RNF126: variants seen among roughly 807,000 people sequenced by gnomAD.
RNF126 encodes E3 ubiquitin-protein ligase RNF126.
In RNF126, 20 loss-of-function variants were observed where a neutral mutation model predicts 41.9. That is an observed-to-expected ratio of 0.48 (90% CI 0.34 to 0.69). The LOEUF is 0.69. Ranked by LOEUF, RNF126 falls within the 30% of genes least tolerant of loss-of-function variation. The pLI is 0.01. For synonymous variants in RNF126, 239 were observed against 202.9 expected, an observed-to-expected ratio of 1.18 and a Z score of -1.51; for missense variants, 433 against 460.6, an observed-to-expected ratio of 0.94 and a Z score of 0.55.
rs1252607188 is a variant in RNF126, at chr19:663,171, G to A, written c.-50C>T. 17 of 948,442 alleles carry A rather than the reference G, an allele frequency of 1.8e-5. No homozygotes were observed. The East Asian group carries it at 6.9e-4, about 38-fold the overall frequency. 58.8% of individuals were successfully genotyped at this position (948,442 alleles called of 1,614,324 possible). On this transcript the variant is annotated 5_prime_UTR_variant, in exon 1 of 9. Coordinates refer to ENST00000292363, the MANE Select transcript of RNF126 (RefSeq NM_194460.3). The stretch of plus-strand genomic sequence containing the variant: ...GCCCGCCCCCCGCGCGGCACCCGCC[G>A]CCGGCCGTTTGCTGCTCCCTCGCCG...
chr19:648,364 G>GGGGGGGGGGGGGGGGGGGGCCCCCC lies in RNF126; in HGVS notation c.786+7_786+8insGGGGGGCCCCCCCCCCCCCCCCCCC. ...CGGGGTGGGGGGGCGGGTGGGCGGG[G>GGGGGGGGGGGGGGGGGGGGCCCCCC]CACTCACCTGCTCCAGCCAGGGCAC... On this transcript the variant is annotated splice_region_variant and intron_variant, in intron 8 of 8. Transcript: ENST00000292363. The GGGGGGGGGGGGGGGGGGGGCCCCCC allele has an allele frequency of 3.9e-6, 2 of 510,482 alleles. No homozygotes were observed. Among genetic ancestry groups the GGGGGGGGGGGGGGGGGGGGCCCCCC allele is most frequent in the Non-Finnish European group, 7.2e-6 (2 of 278,352 alleles). The allele number at this position is 510,482 out of a possible 1,614,324, so 31.6% of individuals were successfully genotyped here.
At chr19:652,083 G>A (rs774647825) in intron 3 of RNF126, 150 bp downstream of exon 3, 7 of 739,294 alleles carry the variant, frequency 9.5e-6, no homozygotes, top group East Asian at 6.2e-5. Context: ...AGCGTGGGCC[G>A]CCCCAATCCC....
chr19:648,364 G>GGGGGGGGGGCC lies in RNF126; in HGVS notation c.786+7_786+8insGGCCCCCCCCC. 2.0e-6 allele frequency: 1 copy of GGGGGGGGGGCC among 510,484 alleles called. No individual in the cohort carries two copies. Among genetic ancestry groups the GGGGGGGGGGCC allele is most frequent in the Non-Finnish European group, 3.6e-6 (1 of 278,352 alleles). The allele number at this position is 510,484 out of a possible 1,614,324, so 31.6% of individuals were successfully genotyped here. A position where few individuals can be genotyped will look rare whatever the true frequency, so the allele number is the denominator to read the frequency against. On this transcript the variant is annotated splice_region_variant and intron_variant, in intron 8 of 8. Coordinates refer to ENST00000292363, the MANE Select transcript of RNF126 (RefSeq NM_194460.3). ...CGGGGTGGGGGGGCGGGTGGGCGGG[G>GGGGGGGGGGCC]CACTCACCTGCTCCAGCCAGGGCAC...
chr19:653,316 G>A (rs2030412480), intron 1 of RNF126, among the ~76,000 whole-genome samples: 1 of 152,216 alleles, frequency 6.6e-6, no homozygotes. Flanking sequence ...CCTGGCTCGG[G>A]GGAGGCCACG....
Position 651,628 on chromosome 19 carries a change from G to C in RNF126, c.426C>G (p.Gly142=). The part of the protein sequence containing the change: ...TTRRATGRHE[G]VPTLEGIIQQ... ...CCCCTCACCCTTCCAGCGTGGGGACGCCTTCGTGCCGGCCGGTGGCCCGCC... is the reference window on the plus strand; with the variant it reads ...CCCCTCACCCTTCCAGCGTGGGGACCCCTTCGTGCCGGCCGGTGGCCCGCC... The change falls in exon 4 of 9, where the codon GGC becomes GGG. Residue 142 remains glycine, a synonymous_variant. Transcript: ENST00000292363. The C allele has an allele frequency of 6.9e-7, 1 of 1,448,942 alleles. No individual in the cohort carries two copies. The highest frequency in any genetic ancestry group is 9.1e-7 in the Non-Finnish European group (1 of 1,104,040). The allele number at this position is 1,448,942 out of a possible 1,614,324, so 89.8% of individuals were successfully genotyped here.
rs1018095748 is a variant in RNF126 at position 660,415 on chromosome 19, C to T, written c.75+2632G>A. On this transcript the variant is annotated intron_variant, in intron 1 of 8. Coordinates refer to ENST00000292363, the MANE Select transcript of RNF126 (RefSeq NM_194460.3). ...AGGCACACAGCCCATGGCAGCCAGT[C>T]CCCCCTGCGTCAGAGGCAGGCAGGA... 3.3e-5 allele frequency among the ~76,000 whole-genome samples: 5 copies of T among 152,226 alleles called. No individual in the cohort carries two copies. In the South Asian group the frequency reaches 8.3e-4, roughly 25 times the overall value.
At chr19:652,547 G>A (rs966404369) in intron 2 of RNF126, 73 of 602,054 alleles carry the variant, frequency 1.2e-4, no homozygotes, top group Non-Finnish European at 1.9e-4. Context: ...GGCCCCCGTG[G>A]CCCCTTCCCC....
chr19:661,655 G>C (rs1490353782), intron 1 of RNF126, among the ~76,000 whole-genome samples: 1 of 152,184 alleles, frequency 6.6e-6, no homozygotes, highest in Admixed American at 6.6e-5. Context: ...GTGACCCAGA[G>C]ACAGGCGGCT....
intron 1 of RNF126, among the ~76,000 whole-genome samples, chr19:661,116 G>C (rs1052882111): frequency 6.6e-6 from 1 of 152,226 alleles, no homozygotes; most frequent in Non-Finnish European, 1.5e-5. Flanking sequence ...CTACAGGAAG[G>C]CCCTCCCCAG....
At chr19:649,335 C>A (rs1057289653) in intron 6 of RNF126, 1 of 353,022 alleles carries the variant, frequency 2.8e-6, no homozygotes, top group Admixed American at 4.5e-5. Context: ...TCCAAGGGCT[C>A]CTCAGCAAGG....
At position 652,880 on chromosome 19, in the gene RNF126, T is replaced by A. The variant is rs1476363667; in HGVS notation, c.80A>T (p.Tyr27Phe). Residue 27 changes from tyrosine to phenylalanine, a missense_variant, in exon 2 of 9, where the codon TAT becomes TTT. Transcript: ENST00000292363. ...ACCAGACTCGCATCTTGGACAGATATAATCCTGCAGGAGAGAACAGGAGGC... is the reference window on the plus strand; with the variant it reads ...ACCAGACTCGCATCTTGGACAGATAAAATCCTGCAGGAGAGAACAGGAGGC... ...SVEIVPRLPDYICPRCESGFI... is the reference protein window; with the variant it reads ...SVEIVPRLPDFICPRCESGFI... 6.2e-7 allele frequency: 1 copy of A among 1,612,656 alleles called. No individual in the cohort carries two copies. The highest frequency in any genetic ancestry group is 8.5e-7 in the Non-Finnish European group (1 of 1,179,524).
intron 1 of RNF126, among the ~76,000 whole-genome samples, chr19:655,563 C>T (rs2030526447): frequency 6.6e-6 from 1 of 152,032 alleles, no homozygotes; most frequent in Admixed American, 6.6e-5. Flanking sequence ...ACGCAGCCGG[C>T]CAGCCCCAGC....
intron 1 of RNF126, among the ~76,000 whole-genome samples, chr19:656,454 G>C (rs537982441): frequency 6.6e-6 from 1 of 152,110 alleles, no homozygotes; most frequent in Non-Finnish European, 1.5e-5. Context: ...AGGAGTTCGA[G>C]ACCAGCCAAC....
Position 651,840 on chromosome 19 carries a change from GGTGCTGGTCCAC to G in RNF126, c.202_213del (p.Val68_His71del). On this transcript the variant is annotated inframe_deletion, in exon 4 of 9. Transcript: ENST00000292363. ...CCGTAGCCCTGCGGCAGCGTGAACA[GGTGCTGGTCCAC>G]GTGCTGGGGAGAGGAGGGGGGCGTG... 1.1e-5 allele frequency: 18 copies of G among 1,610,486 alleles called. No individual in the cohort carries two copies. Among genetic ancestry groups the G allele is most frequent in the Non-Finnish European group, 1.4e-5 (17 of 1,178,840 alleles).
At position 651,857 on chromosome 19, in the gene RNF126, T is replaced by A. The variant is rs1351357065; in HGVS notation, c.199-2A>T. Reference sequence around the variant, plus strand: ...CGTGAACAGGTGCTGGTCCACGTGCTGGGGAGAGGAGGGGGGCGTGACCTC... The same window carrying A: ...CGTGAACAGGTGCTGGTCCACGTGCAGGGGAGAGGAGGGGGGCGTGACCTC... On this transcript the variant is annotated splice_acceptor_variant, in intron 3 of 8. Transcript: ENST00000292363. LOFTEE classifies it high-confidence loss of function. 1 of 1,603,978 alleles carries A rather than the reference T, an allele frequency of 6.2e-7. No individual in the cohort carries two copies. Among genetic ancestry groups the A allele is most frequent in the African/African-American group, 1.3e-5 (1 of 74,522 alleles).
rs188770543 is a variant in RNF126 at position 656,660 on chromosome 19, A to G, written c.76-3776T>C. 3.9e-4 allele frequency among the ~76,000 whole-genome samples: 60 copies of G among 152,190 alleles called. No homozygotes were observed. The East Asian group carries it at 9.1e-3, about 23-fold the overall frequency. On this transcript the variant is annotated intron_variant, in intron 1 of 8. Coordinates refer to ENST00000292363, the MANE Select transcript of RNF126 (RefSeq NM_194460.3). ...GAGACCGTGTCAGAAAAAGAAAAAGAAAAAGGGAAAGGGGAAGGGGAAGCA... is the reference window on the plus strand; with the variant it reads ...GAGACCGTGTCAGAAAAAGAAAAAGGAAAAGGGAAAGGGGAAGGGGAAGCA...
intron 1 of RNF126, among the ~76,000 whole-genome samples, chr19:653,845 C>G (rs1035282458): frequency 6.6e-6 from 1 of 152,262 alleles, no homozygotes; most frequent in Admixed American, 6.5e-5. Flanking sequence ...CGTGTCATCA[C>G]GCCAGGGGCT....
intron 1 of RNF126, among the ~76,000 whole-genome samples, chr19:661,762 C>G (rs1022569675): frequency 5.9e-5 from 9 of 152,184 alleles, no homozygotes; most frequent in African/African-American, 1.9e-4. Flanking sequence ...CAAAGCGTAG[C>G]AACAGCCGGG....
intron 3 of RNF126, 160 bp from the exon 4 acceptor site, chr19:652,015 C>T (rs546659402): frequency 4.1e-6 from 3 of 723,028 alleles, no homozygotes; most frequent in Non-Finnish European, 4.3e-6. Flanking sequence ...AGAGCCTGCC[C>T]CGCTGGTGTG....
Sources: gnomAD v4.1 joint callset for allele counts (sites outside exome capture counted in the v4.1 genomes callset) on GRCh38, gnomAD v4.1.1 for gene constraint, MANE v1.5 for transcripts, NCBI Gene and HGNC (gene_info 2026-07-23, HGNC 2026-07-21) for gene names.